SCHIP1: variants seen among roughly 807,000 people sequenced by gnomAD.
The protein encoded by SCHIP1 is schwannomin-interacting protein 1.
Under a neutral mutation model 29.7 loss-of-function variants are expected in SCHIP1, and 8 were observed. The ratio of observed to expected loss-of-function variants is 0.27; its 90% CI spans 0.16 to 0.49. SCHIP1 has a LOEUF of 0.49. Among genes scored for constraint, SCHIP1 ranks in the 20% least tolerant of loss-of-function variants. The pLI, the probability that SCHIP1 is intolerant of heterozygous loss-of-function variation, is 0.99. For synonymous variants in SCHIP1, 76 were observed against 94.9 expected (o/e 0.80, Z 1.16); for missense variants, 193 against 294.6 (o/e 0.66, Z 2.52).
At chr3:159,578,050 T>C in the SCHIP1 span, among the ~76,000 whole-genome samples, 1 of 152,136 alleles carries the variant, frequency 6.6e-6, no homozygotes, top group Non-Finnish European at 1.5e-5. Context: ...TACTCATAGA[T>C]TGAGGGACCC....
the SCHIP1 span, among the ~76,000 whole-genome samples, chr3:159,526,662 G>A: frequency 7.1e-4 from 108 of 152,288 alleles, no homozygotes; most frequent in Middle Eastern, 0.017. Flanking sequence ...AGGTTCCTGC[G>A]GAAGGAAAGT....
chr3:159,579,461 G>T, the SCHIP1 span, among the ~76,000 whole-genome samples: 1 of 152,098 alleles, frequency 6.6e-6, no homozygotes, highest in South Asian at 2.1e-4. Context: ...AATATTTTGG[G>T]GTACTCCTAT....
the SCHIP1 span, among the ~76,000 whole-genome samples, chr3:159,328,775 A>T: frequency 6.6e-6 from 1 of 152,176 alleles, no homozygotes; most frequent in Non-Finnish European, 1.5e-5. Flanking sequence ...GAATGGTTTT[A>T]AACAAGAGAA....
At chr3:159,436,235 C>A in the SCHIP1 span, among the ~76,000 whole-genome samples, 33 of 152,254 alleles carry the variant, frequency 2.2e-4, 1 homozygote, top group South Asian at 6.4e-3. Context: ...CTTTTCCAAT[C>A]GTTTAAGACG....
the SCHIP1 span, among the ~76,000 whole-genome samples, chr3:159,323,820 T>C: frequency 1.3e-5 from 2 of 152,196 alleles, no homozygotes; most frequent in African/African-American, 2.4e-5. Context: ...TAAAGGCTGA[T>C]TGGAGGCTGT....
the SCHIP1 span, among the ~76,000 whole-genome samples, chr3:159,291,201 G>T: frequency 6.6e-6 from 1 of 151,868 alleles, no homozygotes; most frequent in Non-Finnish European, 1.5e-5. Flanking sequence ...GAGAATATTT[G>T]GGCATAAAAA....
At chr3:159,694,012 G>C in the SCHIP1 span, among the ~76,000 whole-genome samples, 1 of 152,080 alleles carries the variant, frequency 6.6e-6, no homozygotes, top group African/African-American at 2.4e-5. Flanking sequence ...TAGGCCCATG[G>C]TGAGCACCTG....
At chr3:159,526,397 G>A in the SCHIP1 span, among the ~76,000 whole-genome samples, 1 of 152,056 alleles carries the variant, frequency 6.6e-6, no homozygotes, top group East Asian at 1.9e-4. Context: ...CTCGAACTCT[G>A]GGCTCAAGTG....
At chr3:159,582,787 T>TATACACAC in the SCHIP1 span, among the ~76,000 whole-genome samples, 31 of 144,236 alleles carry the variant, frequency 2.1e-4, no homozygotes, top group East Asian at 6.3e-4. Flanking sequence ...AATATATATA[T>TATACACAC]ACACACACAC....
chr3:159,811,202 C>G, the SCHIP1 span, among the ~76,000 whole-genome samples: 2 of 152,166 alleles, frequency 1.3e-5, no homozygotes, highest in Admixed American at 1.3e-4. Context: ...AAATCCTTTA[C>G]CAGAAATAGT....
the SCHIP1 span, among the ~76,000 whole-genome samples, chr3:159,424,499 T>C: frequency 2.0e-5 from 3 of 151,896 alleles, no homozygotes; most frequent in Non-Finnish European, 4.4e-5. Flanking sequence ...AAAAAAAGAA[T>C]AAAAAGAAAT....
At chr3:159,278,520 A>G in the SCHIP1 span, among the ~76,000 whole-genome samples, 2 of 152,234 alleles carry the variant, frequency 1.3e-5, no homozygotes, top group South Asian at 4.1e-4. Flanking sequence ...CTATGATTCT[A>G]TTTAGGACTG....
the SCHIP1 span, among the ~76,000 whole-genome samples, chr3:159,349,497 A>T: frequency 6.6e-6 from 1 of 152,220 alleles, no homozygotes; most frequent in Non-Finnish European, 1.5e-5. Flanking sequence ...GATGCCAATC[A>T]TTATTCTCTG....
At chr3:159,784,432 C>T in the SCHIP1 span, among the ~76,000 whole-genome samples, 1 of 152,152 alleles carries the variant, frequency 6.6e-6, no homozygotes. Context: ...ATGAGCCTTC[C>T]CTATGGAACA....
At chr3:159,883,355 C>T (rs1716638717) in intron 2 of SCHIP1, among the ~76,000 whole-genome samples, 2 of 152,114 alleles carry the variant, frequency 1.3e-5, no homozygotes. Context: ...AGATGCACTG[C>T]AGTGTGAGGG....
At chr3:159,812,695 T>G in the SCHIP1 span, among the ~76,000 whole-genome samples, 1 of 152,266 alleles carries the variant, frequency 6.6e-6, no homozygotes, top group Non-Finnish European at 1.5e-5. Flanking sequence ...ATAAGTGTTA[T>G]TAGCAAAAGG....
the SCHIP1 span, among the ~76,000 whole-genome samples, chr3:159,377,328 G>A: frequency 6.6e-6 from 1 of 152,178 alleles, no homozygotes; most frequent in African/African-American, 2.4e-5. Flanking sequence ...AGCAACAGCC[G>A]GAATCACTGT....
the SCHIP1 span, among the ~76,000 whole-genome samples, chr3:159,676,127 T>A: frequency 6.6e-6 from 1 of 151,986 alleles, no homozygotes; most frequent in Non-Finnish European, 1.5e-5. Flanking sequence ...CAAGACTCCA[T>A]CTCAAAAAAA....
the SCHIP1 span, among the ~76,000 whole-genome samples, chr3:159,492,144 T>C: frequency 1.3e-3 from 203 of 151,772 alleles, no homozygotes; most frequent in Non-Finnish European, 2.0e-3. Context: ...ACCACAAAGA[T>C]AGGGGAAAAA....
Sources: allele counts gnomAD v4.1 joint callset (sites outside exome capture counted in the v4.1 genomes callset), GRCh38; gene constraint gnomAD v4.1.1; transcripts MANE v1.5; gene names NCBI Gene and HGNC (gene_info 2026-07-23, HGNC 2026-07-21).